Variants in ANK2 observed in about 807,000 individuals in gnomAD.
ANK2 encodes ankyrin-2.
Under a neutral mutation model 360.5 loss-of-function variants are expected in ANK2, and 83 were observed. That is an observed-to-expected ratio of 0.23 (90% CI 0.19 to 0.28). ANK2 has a LOEUF of 0.28. Among genes scored for constraint, ANK2 ranks in the 10% least tolerant of loss-of-function variants. The probability of loss-of-function intolerance (pLI) is 1.00; values close to 1 mark genes in which losing one functional copy is unlikely to be tolerated. For missense variants in ANK2, 4,201 were observed against 4,795.7 expected, an observed-to-expected ratio of 0.88 and a Z score of 3.66; for synonymous variants, 1,740 against 1,759.5, an observed-to-expected ratio of 0.99 and a Z score of 0.28.
intron 1 of ANK2, among the ~76,000 whole-genome samples, chr4:112,866,259 T>C (rs1397017011): frequency 1.3e-5 from 2 of 152,180 alleles, no homozygotes; most frequent in Admixed American, 6.5e-5. Context: ...TAAATCAACA[T>C]GATACAATGG....
chr4:113,008,682 G>C (rs921630657), intron 2 of ANK2, among the ~76,000 whole-genome samples: 1 of 152,006 alleles, frequency 6.6e-6, no homozygotes, highest in Non-Finnish European at 1.5e-5. Flanking sequence ...GAGGACACAG[G>C]GGGGAAATGG....
chr4:112,909,048 G>A (rs991420876), intron 2 of ANK2, among the ~76,000 whole-genome samples: 2 of 152,204 alleles, frequency 1.3e-5, no homozygotes, highest in African/African-American at 2.4e-5. Flanking sequence ...GGACCACTGG[G>A]ACGACTGGAA....
the ANK2 span, among the ~76,000 whole-genome samples, chr4:112,737,640 G>A: frequency 6.6e-6 from 1 of 152,218 alleles, no homozygotes; most frequent in Non-Finnish European, 1.5e-5. Flanking sequence ...AGTTGGTGGA[G>A]TTTGATGGGA....
At chr4:112,769,250 A>G in the ANK2 span, among the ~76,000 whole-genome samples, 2 of 152,188 alleles carry the variant, frequency 1.3e-5, no homozygotes, top group Non-Finnish European at 2.9e-5. Flanking sequence ...ATAGAAAACT[A>G]AAAGAGATTG....
chr4:113,326,643 G>GT (rs532837506), intron 26 of ANK2, among the ~76,000 whole-genome samples: 3 of 151,790 alleles, frequency 2.0e-5, no homozygotes, highest in Admixed American at 6.6e-5. Flanking sequence ...AACTTGGTGG[G>GT]TTTTTTTGGT....
intron 2 of ANK2, among the ~76,000 whole-genome samples, chr4:113,186,704 A>G (rs552530415): frequency 1.3e-5 from 2 of 152,260 alleles, no homozygotes; most frequent in East Asian, 3.9e-4. Flanking sequence ...TATGGAATAC[A>G]TAGAAGAAAA....
chr4:112,981,361 C>T (rs901330319), intron 2 of ANK2, among the ~76,000 whole-genome samples: 2 of 152,130 alleles, frequency 1.3e-5, no homozygotes, highest in African/African-American at 4.8e-5. Flanking sequence ...GAAAACTAAC[C>T]AGTGGAAATA....
chr4:113,249,789 C>T lies in ANK2; in HGVS notation c.917C>T (p.Ala306Val), dbSNP rs2153601488. Residue 306 changes from alanine to valine, a missense_variant, in exon 10 of 46, where the codon GCT (alanine) becomes GTT (valine). Ala to Val is a moderately conservative substitution (Grantham distance 64). Around this residue, in one of 4 missense-constraint regions of ANK2, gnomAD observed 122 missense variants for 239.3 expected, o/e 0.51. Coordinates refer to ENST00000357077, the MANE Select transcript of ANK2 (RefSeq NM_001148.6). The part of the protein sequence containing the change: ...TRDGLTPLHC[A>V]ARSGHDQVVE... ...GATGGGTTGACACCACTTCACTGTG[C>T]TGCACGAAGTGGGCATGACCAAGTG... 6.2e-7 allele frequency: 1 copy of T among 1,614,142 alleles called. No homozygotes were observed. The highest frequency in any genetic ancestry group is 8.5e-7 in the Non-Finnish European group (1 of 1,180,036).
At chr4:113,333,342 AT>A in intron 29 of ANK2, 134 bp downstream of exon 29, 1 of 1,161,302 alleles carries the variant, frequency 8.6e-7, no homozygotes, top group African/African-American at 1.6e-5. Flanking sequence ...CCCTTGTGGT[AT>A]TTTACTACAG....
intron 2 of ANK2, among the ~76,000 whole-genome samples, chr4:112,920,044 T>C (rs1054731802): frequency 2.0e-5 from 3 of 152,102 alleles, no homozygotes; most frequent in Non-Finnish European, 4.4e-5. Context: ...GATCATTTGG[T>C]CCAATGATAT....
chr4:112,710,925 G>A, the ANK2 span, among the ~76,000 whole-genome samples: 10 of 118,058 alleles, frequency 8.5e-5, no homozygotes, highest in Admixed American at 2.4e-4. Flanking sequence ...ATATATATAT[G>A]TATATATGAT....
chr4:112,942,758 A>G (rs1385184566), intron 2 of ANK2, among the ~76,000 whole-genome samples: 2 of 152,116 alleles, frequency 1.3e-5, no homozygotes, highest in South Asian at 2.1e-4. Flanking sequence ...TTTCGCAAAT[A>G]AGTAAGTTTT....
At position 113,356,060 on chromosome 4, in the gene ANK2, G is replaced by T. The variant is rs2095747121; in HGVS notation, c.7442G>T (p.Gly2481Val). The change falls in exon 38 of 46, where the codon GGA (glycine) becomes GTA (valine). Residue 2481 changes from glycine (G) to valine (V), a missense_variant. Physicochemically the swap from Gly to Val is moderately radical, Grantham distance 109. This residue lies in a region of ANK2 where 2,642 missense variants were observed against 2,714.5 expected (regional missense o/e 0.97). Transcript: ENST00000357077. Reference protein sequence around the residue: ...SSPVEPKMKAGIFPSHFPLPA... With the variant: ...SSPVEPKMKAVIFPSHFPLPA... ...CCTGTTGAACCAAAGATGAAGGCTG[G>T]AATTTTTCCAAGTCACTTTCCTCTT... 6 of 1,614,062 alleles carry T rather than the reference G, an allele frequency of 3.7e-6. No homozygotes were observed. Among genetic ancestry groups the T allele is most frequent in the Non-Finnish European group, 5.1e-6 (6 of 1,179,980 alleles).
At chr4:113,277,296 T>C (rs1296068399) in intron 15 of ANK2, among the ~76,000 whole-genome samples, 3 of 152,230 alleles carry the variant, frequency 2.0e-5, no homozygotes, top group Non-Finnish European at 4.4e-5. Flanking sequence ...TGCTTTTTAA[T>C]AGTACATGTT....
intron 1 of ANK2, among the ~76,000 whole-genome samples, chr4:113,129,935 T>C (rs1336734504): frequency 6.6e-6 from 1 of 152,202 alleles, no homozygotes; most frequent in Non-Finnish European, 1.5e-5. Context: ...ATTGACCACT[T>C]TCTATCTCCC....
intron 29 of ANK2, among the ~76,000 whole-genome samples, chr4:113,334,300 A>G (rs1303164991): frequency 6.6e-6 from 1 of 152,174 alleles, no homozygotes; most frequent in Non-Finnish European, 1.5e-5. Flanking sequence ...AAAGAAAAAA[A>G]TCAGGGTTTT....
At chr4:112,830,011 C>A (rs186460758) in intron 1 of ANK2, among the ~76,000 whole-genome samples, 4 of 151,904 alleles carry the variant, frequency 2.6e-5, no homozygotes, top group Admixed American at 6.6e-5. Flanking sequence ...CAGATGCTGG[C>A]GAGGTTGCGG....
At chr4:112,856,722 C>A (rs1157895244) in intron 1 of ANK2, among the ~76,000 whole-genome samples, 1 of 152,008 alleles carries the variant, frequency 6.6e-6, no homozygotes. Context: ...AGCGAGACTC[C>A]GTCTCAAAAA....
intron 2 of ANK2, among the ~76,000 whole-genome samples, chr4:112,956,782 G>A (rs1035548058): frequency 6.6e-6 from 1 of 152,234 alleles, no homozygotes; most frequent in East Asian, 1.9e-4. Flanking sequence ...TAAAAGATTC[G>A]TTAGAAATGA....
Sources: gnomAD v4.1 joint callset for allele counts (sites outside exome capture counted in the v4.1 genomes callset) on GRCh38, gnomAD v4.1.1 for gene constraint, gnomAD v4.1.1 regional missense constraint, MANE v1.5 for transcripts, NCBI Gene and HGNC (gene_info 2026-07-23, HGNC 2026-07-21) for gene names.